OR14I1: variants seen among roughly 807,000 people sequenced by gnomAD.
OR14I1 encodes olfactory receptor family 14 subfamily I member 1.
For missense variants in OR14I1, 279 were observed against 181.8 expected (o/e 1.53, Z -3.07); for synonymous variants, 118 against 71.1 (o/e 1.66, Z -3.32).
chr1:248,682,198 A>G (rs4462184), exon 1 of OR14I1: 760,024 of 780,954 alleles, frequency 0.97, 372,082 homozygotes, highest in East Asian at 1. Context: ...CCCCACCAGC[A>G]CTGCCAGATA....
the OR14I1 span, among the ~76,000 whole-genome samples, chr1:248,688,888 G>A: frequency 6.6e-6 from 1 of 152,162 alleles, no homozygotes; most frequent in Non-Finnish European, 1.5e-5. Flanking sequence ...TCAGGTATGG[G>A]GACTTCCACA....
At chr1:248,695,960 T>C in the OR14I1 span, among the ~76,000 whole-genome samples, 1 of 152,200 alleles carries the variant, frequency 6.6e-6, no homozygotes, top group East Asian at 1.9e-4. Context: ...CTCCAGCCCA[T>C]CTCCTTTCCC....
At chr1:248,696,212 G>A in the OR14I1 span, among the ~76,000 whole-genome samples, 1 of 152,170 alleles carries the variant, frequency 6.6e-6, no homozygotes, top group African/African-American at 2.4e-5. Flanking sequence ...GGCTAACAGA[G>A]GCAGAAGAGG....
chr1:248,679,928 A>G (rs1032125417), downstream of OR14I1, among the ~76,000 whole-genome samples: 2 of 152,244 alleles, frequency 1.3e-5, no homozygotes, highest in African/African-American at 4.8e-5. Flanking sequence ...CAAAGGTTTT[A>G]TTATGCAATA....
downstream of OR14I1, among the ~76,000 whole-genome samples, chr1:248,680,217 G>GA (rs1661534467): frequency 6.6e-6 from 1 of 152,106 alleles, no homozygotes; most frequent in Admixed American, 6.5e-5. Context: ...TTAAAAATGA[G>GA]AAAAAATAAT....
upstream of OR14I1, among the ~76,000 whole-genome samples, chr1:248,685,510 C>T (rs72769066): frequency 9.3e-3 from 1,411 of 152,154 alleles, 14 homozygotes; most frequent in Middle Eastern, 0.017. Context: ...AGCTTGCTAT[C>T]GGTAGATGTA....
chr1:248,680,203 A>G (rs1189305333), downstream of OR14I1, among the ~76,000 whole-genome samples: 2 of 152,240 alleles, frequency 1.3e-5, no homozygotes, highest in African/African-American at 2.4e-5. Context: ...CTACAAAAGC[A>G]TAGTTAAAAA....
At chr1:248,687,354 G>T in the OR14I1 span, among the ~76,000 whole-genome samples, 1 of 152,196 alleles carries the variant, frequency 6.6e-6, no homozygotes, top group Non-Finnish European at 1.5e-5. Flanking sequence ...TGCAGTTACA[G>T]CAGCCTGTTT....
At chr1:248,687,289 A>G (rs1029141088), upstream of OR14I1, among the ~76,000 whole-genome samples, 1 of 152,260 alleles carries the variant, frequency 6.6e-6, no homozygotes, top group Admixed American at 6.5e-5. Flanking sequence ...CTTCATCACT[A>G]TGCCTAGTCA....
the OR14I1 span, among the ~76,000 whole-genome samples, chr1:248,702,582 C>T: frequency 3.3e-3 from 507 of 152,268 alleles, 7 homozygotes; most frequent in South Asian, 0.026. Flanking sequence ...GTAGTATTGC[C>T]ATAGCCCTTC....
At chr1:248,698,300 AAT>A in the OR14I1 span, among the ~76,000 whole-genome samples, 1 of 152,250 alleles carries the variant, frequency 6.6e-6, no homozygotes, top group African/African-American at 2.4e-5. Flanking sequence ...GAGAGCGTAG[AAT>A]ATGTGCCATG....
At chr1:248,695,381 C>G in the OR14I1 span, among the ~76,000 whole-genome samples, 1 of 151,632 alleles carries the variant, frequency 6.6e-6, no homozygotes, top group Non-Finnish European at 1.5e-5. Flanking sequence ...CTACAGGCGC[C>G]CGCCACCACG....
chr1:248,693,035 G>A, the OR14I1 span, among the ~76,000 whole-genome samples: 3 of 152,194 alleles, frequency 2.0e-5, no homozygotes, highest in Non-Finnish European at 2.9e-5. Flanking sequence ...ATAGGGTACT[G>A]TGTGAGCAGC....
downstream of OR14I1, among the ~76,000 whole-genome samples, chr1:248,680,188 G>GTAGTT (rs1661534112): frequency 6.6e-6 from 1 of 152,124 alleles, no homozygotes; most frequent in African/African-American, 2.4e-5. Context: ...CTATTACATT[G>GTAGTT]ATAACTACAA....
the OR14I1 span, among the ~76,000 whole-genome samples, chr1:248,691,589 C>G: frequency 3.3e-5 from 5 of 152,348 alleles, no homozygotes; most frequent in African/African-American, 1.2e-4. Flanking sequence ...TTCCAATCGT[C>G]AGAACTGTGG....
At chr1:248,686,663 T>C (rs2103135949), upstream of OR14I1, among the ~76,000 whole-genome samples, 1 of 149,084 alleles carries the variant, frequency 6.7e-6, no homozygotes, top group African/African-American at 2.4e-5. Context: ...GTCTTGATTT[T>C]TTTCTCATAA....
chr1:248,696,554 A>G, the OR14I1 span, among the ~76,000 whole-genome samples: 1 of 152,180 alleles, frequency 6.6e-6, no homozygotes, highest in Non-Finnish European at 1.5e-5. Flanking sequence ...CTTTCTTGTT[A>G]GGGCCCCTTC....
At chr1:248,681,283 C>A (rs886372939), downstream of OR14I1, 13 of 564,082 alleles carry the variant, frequency 2.3e-5, no homozygotes, top group Admixed American at 6.4e-5. Flanking sequence ...ATTTCATCAA[C>A]AATTTTTTCA....
At chr1:248,697,032 C>T in the OR14I1 span, 2 of 152,124 alleles carry the variant, frequency 1.3e-5, no homozygotes, top group Non-Finnish European at 2.9e-5. Context: ...TTTTAACAGT[C>T]TCCTGGGAGA....
Sources: allele counts gnomAD v4.1 joint callset (sites outside exome capture counted in the v4.1 genomes callset), GRCh38; gene constraint gnomAD v4.1.1; transcripts MANE v1.5; gene names NCBI Gene and HGNC (gene_info 2026-07-23, HGNC 2026-07-21).